Variants in WDHD1 observed in about 807,000 individuals in gnomAD.
WDHD1 encodes the protein WD repeat and HMG-box DNA binding protein 1.
A neutral mutation model predicts 135.4 loss-of-function variants in WDHD1; 111 were observed. The observed-to-expected ratio is 0.82, with a 90% confidence interval of 0.70 to 0.96. The LOEUF (loss-of-function observed/expected upper bound fraction) is 0.96, where lower values mean the gene tolerates loss of function less well. WDHD1 is among the 40% of genes least tolerant of loss of function. WDHD1 has a pLI of 0.00. For missense variants in WDHD1, 1,351 were observed against 1,336.3 expected, an observed-to-expected ratio of 1.01 and a Z score of -0.17; for synonymous variants, 434 against 439.0, an observed-to-expected ratio of 0.99 and a Z score of 0.14.
At chr14:55,004,290 C>A (rs2042027004) in intron 7 of WDHD1, among the ~76,000 whole-genome samples, 1 of 150,504 alleles carries the variant, frequency 6.6e-6, no homozygotes, top group Non-Finnish European at 1.5e-5. Context: ...ACATTTGGTT[C>A]TATTTATCTC....
chr14:54,953,276 A>G (rs1346360216), intron 24 of WDHD1, among the ~76,000 whole-genome samples: 1 of 152,224 alleles, frequency 6.6e-6, no homozygotes, highest in East Asian at 1.9e-4. Context: ...ACAAATTTAC[A>G]AGAAAAAAAC....
chr14:54,985,493 G>A (rs1271946940), intron 14 of WDHD1, among the ~76,000 whole-genome samples: 1 of 152,210 alleles, frequency 6.6e-6, no homozygotes, highest in African/African-American at 2.4e-5. Flanking sequence ...GGTAAGAGAT[G>A]AGGTTGGAGA....
At chr14:55,009,219 C>T (rs565427918) in intron 4 of WDHD1, among the ~76,000 whole-genome samples, 1 of 152,280 alleles carries the variant, frequency 6.6e-6, no homozygotes, top group Admixed American at 6.5e-5. Flanking sequence ...TCCCATTATG[C>T]TAAAATACAA....
intron 24 of WDHD1, among the ~76,000 whole-genome samples, chr14:54,949,554 T>C (rs1208848983): frequency 6.6e-6 from 1 of 151,474 alleles, no homozygotes; most frequent in African/African-American, 2.5e-5. Flanking sequence ...ACAGGGAGAA[T>C]GGAACCAAGT....
chr14:55,001,078 C>T (rs980191135), intron 8 of WDHD1, 86 bp from the exon 9 acceptor site: 13 of 871,728 alleles, frequency 1.5e-5, no homozygotes, highest in South Asian at 3.4e-5. Flanking sequence ...ATTTTCTTTT[C>T]ATTTTTTTTC....
At chr14:54,995,894 A>G in intron 10 of WDHD1, 81 bp from the exon 11 acceptor site, 1 of 1,101,606 alleles carries the variant, frequency 9.1e-7, no homozygotes. Context: ...AACTTTTAAT[A>G]TGCACCTATA....
chr14:54,943,327 A>T (rs1016719728), intron 25 of WDHD1, among the ~76,000 whole-genome samples: 3 of 152,208 alleles, frequency 2.0e-5, no homozygotes, highest in African/African-American at 7.2e-5. Flanking sequence ...AGTAGATACA[A>T]TTTTTAAAAA....
At chr14:54,948,753 C>A (rs895775977) in intron 24 of WDHD1, among the ~76,000 whole-genome samples, 7 of 152,188 alleles carry the variant, frequency 4.6e-5, no homozygotes, top group Non-Finnish European at 8.8e-5. Context: ...GGAGGCACCC[C>A]CCAGTAGGGG....
At chr14:54,992,908 A>C (rs1037189716) in intron 11 of WDHD1, among the ~76,000 whole-genome samples, 2 of 152,290 alleles carry the variant, frequency 1.3e-5, no homozygotes, top group East Asian at 3.9e-4. Flanking sequence ...GCAAGATGCT[A>C]TCTCTAAAAA....
chr14:54,955,895 C>CG lies in WDHD1; in HGVS notation c.2917-202_2917-201insC, dbSNP rs1281053966. On this transcript the variant is annotated intron_variant, in intron 23 of 25. Coordinates refer to ENST00000360586, the MANE Select transcript of WDHD1 (RefSeq NM_007086.4). ...ACTACACTTCAGATTCCATGTTTTC[C>CG]TTTTTTTTTTTTTTTTTTTTGAGAC... 3.4e-3 allele frequency among the ~76,000 whole-genome samples: 374 copies of CG among 110,062 alleles called. 6 individuals are homozygous for CG. The highest frequency in any genetic ancestry group is 4.2e-3 in the Non-Finnish European group (236 of 56,298). The allele number at this position is 110,062 out of a possible 152,430, so 72.2% of individuals were successfully genotyped here.
At chr14:55,017,122 C>T (rs2042273486) in intron 2 of WDHD1, among the ~76,000 whole-genome samples, 1 of 152,118 alleles carries the variant, frequency 6.6e-6, no homozygotes, top group Admixed American at 6.5e-5. Flanking sequence ...AGTGGGGATT[C>T]TATCTAAATT....
intron 2 of WDHD1, among the ~76,000 whole-genome samples, chr14:55,023,926 T>C (rs2042390322): frequency 6.6e-6 from 1 of 152,208 alleles, no homozygotes; most frequent in Admixed American, 6.5e-5. Context: ...TTTTAGTACA[T>C]TTCAACTTTT....
chr14:54,946,112 C>A (rs1304292653), intron 24 of WDHD1, among the ~76,000 whole-genome samples: 1 of 152,150 alleles, frequency 6.6e-6, no homozygotes, highest in Non-Finnish European at 1.5e-5. Flanking sequence ...TTAATGAAGA[C>A]CCATTTTAAT....
intron 2 of WDHD1, among the ~76,000 whole-genome samples, chr14:55,023,547 G>A (rs2042383751): frequency 6.6e-6 from 1 of 152,186 alleles, no homozygotes; most frequent in Non-Finnish European, 1.5e-5. Context: ...AGTATGTCCA[G>A]CATCACTAGT....
Position 54,996,494 on chromosome 14 carries a change from C to T in WDHD1, c.943-681G>A, listed in dbSNP as rs1234066731. On this transcript the variant is annotated intron_variant, in intron 10 of 25. Transcript: ENST00000360586. ...ATGTGTCTATAGTCCCAGCTACCTG[C>T]GAGGCTGAGGTAGGAGGGTCACCTG... 3.9e-5 allele frequency among the ~76,000 whole-genome samples: 6 copies of T among 151,950 alleles called. No individual in the cohort carries two copies. In the South Asian group the frequency reaches 6.2e-4, roughly 16 times the overall value.
chr14:54,946,832 C>G (rs1270073526), intron 24 of WDHD1, among the ~76,000 whole-genome samples: 2 of 151,910 alleles, frequency 1.3e-5, no homozygotes, highest in Admixed American at 1.3e-4. Context: ...TCGCTTGAGG[C>G]CAAGAGTTTG....
intron 11 of WDHD1, among the ~76,000 whole-genome samples, chr14:54,992,749 T>C (rs867237279): frequency 2.0e-5 from 3 of 151,910 alleles, no homozygotes; most frequent in Non-Finnish European, 4.4e-5. Context: ...ATTCCATCTC[T>C]ACAAAAAATA....
At chr14:55,012,386 A>G (rs1438469818) in intron 3 of WDHD1, among the ~76,000 whole-genome samples, 2 of 152,220 alleles carry the variant, frequency 1.3e-5, no homozygotes, top group African/African-American at 4.8e-5. Context: ...TTAGGGGTTT[A>G]TAGATAATTA....
At chr14:55,007,710 GT>G (rs2042096049) in intron 6 of WDHD1, among the ~76,000 whole-genome samples, 2 of 152,180 alleles carry the variant, frequency 1.3e-5, no homozygotes, top group Non-Finnish European at 1.5e-5. Flanking sequence ...ACTATAAAAT[GT>G]TAAAGTGTCA....
Sources: gnomAD v4.1 joint callset for allele counts (sites outside exome capture counted in the v4.1 genomes callset) on GRCh38, gnomAD v4.1.1 for gene constraint, MANE v1.5 for transcripts, NCBI Gene and HGNC (gene_info 2026-07-23, HGNC 2026-07-21) for gene names.